Variants in SENP6 observed in about 807,000 individuals in gnomAD.
The protein encoded by SENP6 is SUMO specific peptidase 6.
In SENP6, 41 loss-of-function variants were observed where a neutral mutation model predicts 134.5. The observed-to-expected ratio is 0.30, with a 90% CI of 0.24 to 0.40. The LOEUF (loss-of-function observed/expected upper bound fraction) is 0.40. Ranked by LOEUF, SENP6 falls within the 10% of genes least tolerant of loss-of-function variation. The pLI, the probability that SENP6 is intolerant of heterozygous loss-of-function variation, is 1.00. For missense variants in SENP6, 1,248 were observed against 1,312.5 expected, an observed-to-expected ratio of 0.95 and a Z score of 0.76; for synonymous variants, 395 against 429.8, an observed-to-expected ratio of 0.92 and a Z score of 1.00.
intron 18 of SENP6, among the ~76,000 whole-genome samples, chr6:75,702,384 A>C (rs1206121256): frequency 6.6e-6 from 1 of 151,750 alleles, no homozygotes; most frequent in African/African-American, 2.4e-5. Flanking sequence ...CGCCTGGCTA[A>C]TTTTTGTATT....
intron 5 of SENP6, among the ~76,000 whole-genome samples, chr6:75,639,175 A>G (rs1769835212): frequency 1.3e-5 from 2 of 152,202 alleles, no homozygotes; most frequent in African/African-American, 4.8e-5. Context: ...TTTTTCTGGA[A>G]ATGCAGCTAT....
At chr6:75,655,378 C>G (rs879389224) in intron 7 of SENP6, 2 of 152,230 alleles carry the variant, frequency 1.3e-5, no homozygotes, top group Non-Finnish European at 2.9e-5. Flanking sequence ...ATATCCCTTT[C>G]TAACCAAAAT....
intron 21 of SENP6, among the ~76,000 whole-genome samples, chr6:75,712,952 C>A (rs72888734): frequency 0.22 from 33,587 of 151,776 alleles, 4,892 homozygotes; most frequent in Non-Finnish European, 0.34. Context: ...AAAAAAAATA[C>A]AAAAATTAGC....
At chr6:75,604,664 C>T (rs977998687) in intron 1 of SENP6, among the ~76,000 whole-genome samples, 3 of 151,368 alleles carry the variant, frequency 2.0e-5, no homozygotes, top group Admixed American at 6.6e-5. Flanking sequence ...AATTTTAGTT[C>T]CTCATAACCA....
At position 75,677,062 on chromosome 6, in the gene SENP6, C is replaced by G. The variant is rs1443079457; in HGVS notation, c.1654C>G (p.Gln552Glu). 6.3e-7 allele frequency: 1 copy of G among 1,577,928 alleles called. No individual in the cohort carries two copies. Among genetic ancestry groups the G allele is most frequent in the East Asian group, 2.2e-5 (1 of 44,446 alleles). ...LEEQYIILIF[Q>E]NGLDPPANMV... ...AGAACAATATATAATTTTAATTTTT[C>G]AAAATGGCCTTGATCCTCCGGCAAA... is the stretch of plus-strand genomic sequence containing the variant. Residue 552 changes from glutamine to glutamate, a missense_variant, in exon 14 of 24, where the codon CAA becomes GAA. Gln to Glu is a conservative substitution (Grantham distance 29). Around this residue, in one of 3 missense-constraint regions of SENP6, gnomAD observed 733 missense variants for 725.4 expected, o/e 1.01. Transcript: ENST00000447266.
intron 7 of SENP6, among the ~76,000 whole-genome samples, chr6:75,651,446 C>T (rs1474634755): frequency 1.3e-5 from 2 of 152,104 alleles, no homozygotes. Context: ...CCTCGACCTC[C>T]TAGTCTTACA....
intron 16 of SENP6, among the ~76,000 whole-genome samples, chr6:75,690,890 A>G (rs1057315268): frequency 6.6e-6 from 1 of 150,702 alleles, no homozygotes; most frequent in African/African-American, 2.4e-5. Flanking sequence ...TAGAGATGGG[A>G]TTTCACCTTG....
chr6:75,675,619 A>G, intron 12 of SENP6, 151 bp downstream of exon 12: 2 of 680,740 alleles, frequency 2.9e-6, no homozygotes, highest in East Asian at 2.8e-5. Context: ...TCTTGGTGTA[A>G]TTTCATTCAG....
chr6:75,623,874 T>C (rs1372859679), intron 2 of SENP6, 26 bp from the exon 3 acceptor site: 2 of 1,575,510 alleles, frequency 1.3e-6, no homozygotes, highest in African/African-American at 2.7e-5. Context: ...GCTACTTATG[T>C]TTTTTTCCCC....
rs375646908 is a variant in SENP6, at chr6:75,715,475, A to T, written c.3220A>T (p.Ile1074Leu). The T allele has an allele frequency of 1.9e-6, 3 of 1,613,634 alleles. No individual in the cohort carries two copies. Among genetic ancestry groups the T allele is most frequent in the Non-Finnish European group, 2.5e-6 (3 of 1,179,632 alleles). Residue 1074 changes from isoleucine (I) to leucine (L), a missense_variant, in exon 24 of 24, where the codon ATA becomes TTA. Ile to Leu is a conservative substitution (Grantham distance 5). Coordinates refer to ENST00000447266, the MANE Select transcript of SENP6 (RefSeq NM_015571.4). ...MRTKREEIRNIILKLQEDQSK... is the reference protein window; with the variant it reads ...MRTKREEIRNLILKLQEDQSK... ...AACAAAAAGAGAAGAAATCCGAAAC[A>T]TAATTCTGAAGCTACAGGAAGATCA...
chr6:75,639,492 A>G (rs1013496807), intron 5 of SENP6, among the ~76,000 whole-genome samples: 10 of 152,056 alleles, frequency 6.6e-5, no homozygotes, highest in African/African-American at 2.4e-4. Context: ...ACTCCACATG[A>G]TAGGAGTATA....
chr6:75,697,312 T>G (rs1774725564), intron 17 of SENP6, 113 bp from the exon 18 acceptor site: 1 of 709,270 alleles, frequency 1.4e-6, no homozygotes, highest in Non-Finnish European at 2.3e-6. Flanking sequence ...TCAAACCATT[T>G]TATGCAACTG....
At chr6:75,707,355 C>CTTTTTTTTTTTTTTTTTTTTTTTTT (rs10564996) in intron 19 of SENP6, among the ~76,000 whole-genome samples, 1 of 74,692 alleles carries the variant, frequency 1.3e-5, no homozygotes, top group Non-Finnish European at 2.5e-5. Flanking sequence ...TCTTCTTCTT[C>CTTTTTTTTTTTTTTTTTTTTTTTTT]TTTTTTTTTT....
chr6:75,615,646 T>C (rs958700886), intron 1 of SENP6, among the ~76,000 whole-genome samples: 1 of 152,256 alleles, frequency 6.6e-6, no homozygotes, highest in African/African-American at 2.4e-5. Flanking sequence ...ATCTGTCTTT[T>C]TGTGAGATTG....
intron 16 of SENP6, among the ~76,000 whole-genome samples, chr6:75,691,573 GTGTTT>G (rs368042829): frequency 1.7e-4 from 26 of 151,746 alleles, no homozygotes; most frequent in African/African-American, 5.6e-4. Flanking sequence ...TTTTGTTATT[GTGTTT>G]TGTTTTTTGT....
In SENP6 at chr6:75,666,812, A is replaced by G. The variant is rs1283497817; in HGVS notation, c.1095A>G (p.Pro365=). 1 of 1,613,664 alleles carries G rather than the reference A, an allele frequency of 6.2e-7. No homozygotes were observed. Among genetic ancestry groups the G allele is most frequent in the Non-Finnish European group, 8.5e-7 (1 of 1,179,686 alleles). ...PADSACSSPA[P]STGKVEAALN... is the part of the protein sequence containing the mutation. ...ATTCAGCATGTTCTTCCCCTGCACC[A>G]TCCACTGGAAAAGTAGAAGCAGCGC... The change falls in exon 10 of 24, where the codon CCA becomes CCG. Residue 365 remains proline (P), a synonymous_variant. Coordinates refer to ENST00000447266, the MANE Select transcript of SENP6 (RefSeq NM_015571.4).
intron 23 of SENP6, 33 bp downstream of exon 23, chr6:75,713,858 A>T (rs767264592): frequency 6.9e-7 from 1 of 1,449,062 alleles, no homozygotes. Flanking sequence ...TGCTATAATA[A>T]ATAATAAAAT....
chr6:75,695,144 G>GGTT (rs1475824246), intron 16 of SENP6, among the ~76,000 whole-genome samples: 1 of 152,066 alleles, frequency 6.6e-6, no homozygotes, highest in Non-Finnish European at 1.5e-5. Flanking sequence ...CCAAAGTGCT[G>GGTT]ACATTACAGG....
intron 16 of SENP6, among the ~76,000 whole-genome samples, chr6:75,683,376 GC>G (rs1163565752): frequency 1.3e-5 from 2 of 152,044 alleles, no homozygotes; most frequent in Non-Finnish European, 2.9e-5. Context: ...AGTTTCTTTT[GC>G]CATGCGGAAG....
Sources: gnomAD v4.1 joint callset for allele counts (sites outside exome capture counted in the v4.1 genomes callset) on GRCh38, gnomAD v4.1.1 for gene constraint, gnomAD v4.1.1 regional missense constraint, MANE v1.5 for transcripts, NCBI Gene and HGNC (gene_info 2026-07-23, HGNC 2026-07-21) for gene names.